TBC1D5: variants seen among roughly 807,000 people sequenced by gnomAD.
TBC1D5 encodes the protein TBC1 domain family, member 5.
A neutral mutation model predicts 100.3 loss-of-function variants in TBC1D5; 75 were observed. That is an observed-to-expected ratio of 0.75 (90% confidence interval 0.62 to 0.91). The LOEUF is 0.91. Among genes scored for constraint, TBC1D5 ranks in the 40% least tolerant of loss-of-function variants. The pLI is 0.00. For synonymous variants in TBC1D5, 323 were observed against 325.6 expected, an observed-to-expected ratio of 0.99 and a Z score of 0.09; for missense variants, 910 against 942.4, an observed-to-expected ratio of 0.97 and a Z score of 0.45.
chr3:17,235,016 T>C (rs1300112907), intron 17 of TBC1D5, among the ~76,000 whole-genome samples: 4 of 152,172 alleles, frequency 2.6e-5, no homozygotes, highest in African/African-American at 7.2e-5. Context: ...AATTCACTGA[T>C]AATGGCGTGC....
At chr3:17,350,688 C>T (rs377382241) in intron 13 of TBC1D5, among the ~76,000 whole-genome samples, 42 of 152,148 alleles carry the variant, frequency 2.8e-4, no homozygotes, top group African/African-American at 9.4e-4. Context: ...AAATAAAGTT[C>T]CTTTCAATAA....
intron 9 of TBC1D5, among the ~76,000 whole-genome samples, chr3:17,377,701 T>C (rs2092765942): frequency 6.6e-6 from 1 of 152,048 alleles, no homozygotes; most frequent in Non-Finnish European, 1.5e-5. Context: ...CTAGTAGTAC[T>C]GTACTATTCT....
chr3:17,664,395 A>G (rs527606367), intron 1 of TBC1D5, among the ~76,000 whole-genome samples: 1 of 152,308 alleles, frequency 6.6e-6, no homozygotes, highest in East Asian at 1.9e-4. Context: ...GAGATACCTA[A>G]TATAATGTAT....
chr3:17,451,919 T>C (rs1347277378), intron 3 of TBC1D5, among the ~76,000 whole-genome samples: 1 of 151,722 alleles, frequency 6.6e-6, no homozygotes, highest in African/African-American at 2.4e-5. Flanking sequence ...CGAGACTCCG[T>C]CAAAAAAGAA....
At chr3:17,734,425 A>G (rs540068171) in intron 1 of TBC1D5, among the ~76,000 whole-genome samples, 8 of 152,332 alleles carry the variant, frequency 5.3e-5, no homozygotes, top group Admixed American at 2.0e-4. Context: ...AAAGCTTAAA[A>G]TTTTTTGGAC....
chr3:17,657,351 C>CG lies in TBC1D5; in HGVS notation c.-100-33439dup, dbSNP rs2066183235. On this transcript the variant is annotated intron_variant, in intron 1 of 21. Transcript: ENST00000253692. ...TTTCTTTTTTTTTTTTTTTTTTTTG[C>CG]GGGGGGACAGAGTCTCACTCTGTCG... Among the ~76,000 whole-genome samples the CG allele has an allele frequency of 5.0e-5, 4 of 80,360 alleles. No individual in the cohort carries two copies. In the East Asian group the frequency reaches 1.6e-3, roughly 32 times the overall value. 52.7% of individuals were successfully genotyped at this position (80,360 alleles called of 152,430 possible). A position where few individuals can be genotyped will look rare whatever the true frequency, so the allele number is the denominator to read the frequency against.
At chr3:17,184,709 A>G (rs1053184114) in intron 19 of TBC1D5, 18 of 152,094 alleles carry the variant, frequency 1.2e-4, no homozygotes, top group Admixed American at 1.2e-3. Context: ...AAAAAAAAAA[A>G]TTTGTTGTTT....
At chr3:17,624,094 G>A (rs1219210766) in intron 1 of TBC1D5, among the ~76,000 whole-genome samples, 181 bp from the exon 2 acceptor site, 1 of 152,124 alleles carries the variant, frequency 6.6e-6, no homozygotes, top group African/African-American at 2.4e-5. Flanking sequence ...TTTATACTGA[G>A]TAACCTCTTA....
At chr3:17,370,691 A>G (rs2092407138) in intron 13 of TBC1D5, among the ~76,000 whole-genome samples, 1 of 152,184 alleles carries the variant, frequency 6.6e-6, no homozygotes, top group South Asian at 2.1e-4. Flanking sequence ...AACAGCTGAG[A>G]GTTATTATTC....
At chr3:17,591,855 C>T (rs1013472069) in intron 2 of TBC1D5, among the ~76,000 whole-genome samples, 2 of 152,344 alleles carry the variant, frequency 1.3e-5, no homozygotes, top group East Asian at 3.9e-4. Flanking sequence ...GCAGAGATTA[C>T]TGCCATCATC....
intron 2 of TBC1D5, among the ~76,000 whole-genome samples, chr3:17,594,888 G>T (rs912190301): frequency 2.6e-4 from 40 of 152,222 alleles, no homozygotes; most frequent in African/African-American, 8.2e-4. Context: ...TAAAATGAAG[G>T]ATACAAAGTA....
At chr3:17,210,586 CCTT>C (rs1344970771) in intron 18 of TBC1D5, among the ~76,000 whole-genome samples, 2 of 152,148 alleles carry the variant, frequency 1.3e-5, no homozygotes, top group Admixed American at 1.3e-4. Context: ...TTGTTAGAAT[CCTT>C]CTTTTCCAAC....
intron 2 of TBC1D5, among the ~76,000 whole-genome samples, chr3:17,530,322 C>A (rs2096204027): frequency 6.6e-6 from 1 of 150,924 alleles, no homozygotes; most frequent in Non-Finnish European, 1.5e-5. Context: ...TACAAATACA[C>A]CTAGATTGAA....
chr3:17,661,536 C>T (rs937527049), intron 1 of TBC1D5, among the ~76,000 whole-genome samples: 2 of 143,330 alleles, frequency 1.4e-5, no homozygotes, highest in Non-Finnish European at 3.0e-5. Flanking sequence ...GAGTCTTGCT[C>T]TCTCACTAGA....
At chr3:17,355,791 T>A (rs7645732) in intron 13 of TBC1D5, among the ~76,000 whole-genome samples, 2,287 of 152,172 alleles carry the variant, frequency 0.015, 52 homozygotes, top group African/African-American at 0.051. Context: ...CAATTCTAAT[T>A]AGAGCCAAAT....
At chr3:17,252,646 C>T (rs1274859541) in intron 16 of TBC1D5, among the ~76,000 whole-genome samples, 1 of 152,158 alleles carries the variant, frequency 6.6e-6, no homozygotes, top group African/African-American at 2.4e-5. Flanking sequence ...CAATAATTCC[C>T]CATCTCTACC....
At chr3:17,707,024 C>A (rs1054266893) in intron 1 of TBC1D5, among the ~76,000 whole-genome samples, 1 of 151,790 alleles carries the variant, frequency 6.6e-6, no homozygotes, top group Non-Finnish European at 1.5e-5. Context: ...TAGTGGACTT[C>A]CTAAACTTTG....
intron 3 of TBC1D5, among the ~76,000 whole-genome samples, chr3:17,476,091 C>T (rs965715954): frequency 2.0e-5 from 3 of 151,878 alleles, no homozygotes; most frequent in South Asian, 4.2e-4. Context: ...CTCTTGGATG[C>T]TAAACTTTTT....
chr3:17,486,252 G>T (rs2095566196), intron 3 of TBC1D5, among the ~76,000 whole-genome samples: 1 of 152,050 alleles, frequency 6.6e-6, no homozygotes, highest in Non-Finnish European at 1.5e-5. Flanking sequence ...TTTGTCAGAT[G>T]AGTAGGTTGC....
Sources: gnomAD v4.1 joint callset for allele counts (sites outside exome capture counted in the v4.1 genomes callset) on GRCh38, gnomAD v4.1.1 for gene constraint, MANE v1.5 for transcripts, NCBI Gene and HGNC (gene_info 2026-07-23, HGNC 2026-07-21) for gene names.